The following NKAIN2 variants were observed in gnomAD, a reference collection of about 807,000 sequenced individuals.
NKAIN2 encodes the protein sodium/potassium transporting ATPase interacting 2.
NKAIN2 carries 14 observed loss-of-function variants against 32.6 expected under a neutral mutation model. The observed-to-expected ratio is 0.43, with a 90% CI of 0.28 to 0.67. The LOEUF (loss-of-function observed/expected upper bound fraction) is 0.67. Among genes scored for constraint, NKAIN2 ranks in the 30% least tolerant of loss-of-function variants. NKAIN2 has a pLI of 0.17. For synonymous variants in NKAIN2, 80 were observed against 87.2 expected (o/e 0.92, Z 0.46); for missense variants, 198 against 258.3 (o/e 0.77, Z 1.60).
In NKAIN2 at chr6:124,166,172, G is replaced by C. The variant is rs1788530874; in HGVS notation, c.55-116833G>C. Among the ~76,000 whole-genome samples, 5 of 137,242 alleles carry C rather than the reference G, an allele frequency of 3.6e-5. No homozygotes were observed. In the South Asian group the frequency reaches 1.3e-3, roughly 36 times the overall value. The allele number at this position is 137,242 out of a possible 152,430, so 90.0% of individuals were successfully genotyped here. A position where few individuals can be genotyped will look rare whatever the true frequency, so the allele number is the denominator to read the frequency against. The stretch of plus-strand genomic sequence containing the variant: ...TTCCTATTTCTCCACATCCTCTCCA[G>C]CACCTGTTGTTTCCTGACTTTTTAA... On this transcript the variant is annotated intron_variant, in intron 1 of 6. Coordinates refer to ENST00000368417, the MANE Select transcript of NKAIN2 (RefSeq NM_001040214.3).
chr6:124,431,353 C>T (rs1775210559), intron 3 of NKAIN2, among the ~76,000 whole-genome samples: 3 of 152,136 alleles, frequency 2.0e-5, no homozygotes, highest in African/African-American at 7.2e-5. Flanking sequence ...ACTACTATCA[C>T]TCCACTGCAA....
chr6:124,280,088 T>C (rs1367263049), intron 1 of NKAIN2, among the ~76,000 whole-genome samples: 1 of 152,070 alleles, frequency 6.6e-6, no homozygotes, highest in East Asian at 1.9e-4. Context: ...TATGTGAAAA[T>C]AACACATAAA....
chr6:123,823,310 A>G (rs1329350864), intron 1 of NKAIN2: 1 of 152,232 alleles, frequency 6.6e-6, no homozygotes, highest in East Asian at 1.9e-4. Context: ...GAGTGAAAAT[A>G]ATGGATACAA....
intron 1 of NKAIN2, among the ~76,000 whole-genome samples, chr6:124,134,024 CGAA>C (rs1397561815): frequency 6.6e-6 from 1 of 151,066 alleles, no homozygotes; most frequent in African/African-American, 2.4e-5. Flanking sequence ...CTGATCTAAA[CGAA>C]GAAGAAATCC....
chr6:124,786,903 A>G (rs892519202), intron 4 of NKAIN2, among the ~76,000 whole-genome samples: 10 of 152,086 alleles, frequency 6.6e-5, no homozygotes, highest in Non-Finnish European at 1.5e-5. Context: ...ATGAGCCTCT[A>G]TTATCTGCTT....
At chr6:124,099,166 ATTC>A (rs1414677469) in intron 1 of NKAIN2, among the ~76,000 whole-genome samples, 7 of 152,154 alleles carry the variant, frequency 4.6e-5, no homozygotes, top group Non-Finnish European at 1.0e-4. Context: ...TAATATTTGT[ATTC>A]TTTTATGGTT....
intron 1 of NKAIN2, among the ~76,000 whole-genome samples, chr6:123,804,999 T>C (rs1435401729): frequency 6.6e-6 from 1 of 152,214 alleles, no homozygotes; most frequent in Non-Finnish European, 1.5e-5. Context: ...TGGAGAATTC[T>C]ATGTACTTTT....
intron 5 of NKAIN2, among the ~76,000 whole-genome samples, chr6:124,797,105 C>T (rs532739910): frequency 6.9e-6 from 1 of 145,492 alleles, no homozygotes; most frequent in African/African-American, 2.6e-5. Context: ...TTTATTAGCA[C>T]TGTTCGATGT....
At chr6:124,117,800 AT>A (rs1785686975) in intron 1 of NKAIN2, among the ~76,000 whole-genome samples, 1 of 151,294 alleles carries the variant, frequency 6.6e-6, no homozygotes, top group African/African-American at 2.4e-5. Flanking sequence ...TCATTATATT[AT>A]TTTTTATAAT....
chr6:124,610,417 A>G (rs1782648815), intron 3 of NKAIN2, among the ~76,000 whole-genome samples: 1 of 152,186 alleles, frequency 6.6e-6, no homozygotes, highest in Non-Finnish European at 1.5e-5. Flanking sequence ...TATGCATTGG[A>G]AAAAGTACTG....
At chr6:124,706,452 G>C (rs889341284) in intron 4 of NKAIN2, among the ~76,000 whole-genome samples, 1 of 152,020 alleles carries the variant, frequency 6.6e-6, no homozygotes, top group African/African-American at 2.4e-5. Flanking sequence ...GCTGAAATAT[G>C]ATTCTATGTC....
intron 3 of NKAIN2, among the ~76,000 whole-genome samples, chr6:124,588,346 C>A (rs1221768538): frequency 6.6e-6 from 1 of 152,062 alleles, no homozygotes; most frequent in Non-Finnish European, 1.5e-5. Context: ...TAATTTAATG[C>A]AATTTTTATT....
intron 3 of NKAIN2, among the ~76,000 whole-genome samples, chr6:124,452,161 C>T (rs1776134484): frequency 6.7e-6 from 1 of 149,712 alleles, no homozygotes; most frequent in Non-Finnish European, 1.5e-5. Flanking sequence ...TGCCACTGCA[C>T]TCTAGCCTGG....
chr6:124,187,287 A>C (rs1192229012), intron 1 of NKAIN2, among the ~76,000 whole-genome samples: 1 of 152,188 alleles, frequency 6.6e-6, no homozygotes, highest in Non-Finnish European at 1.5e-5. Context: ...CCTACTAGTC[A>C]TTCAAAGACG....
intron 1 of NKAIN2, among the ~76,000 whole-genome samples, chr6:123,817,861 T>TCAC (rs1284490819): frequency 2.6e-5 from 4 of 152,052 alleles, no homozygotes; most frequent in Non-Finnish European, 4.4e-5. Flanking sequence ...GAATAAGCAT[T>TCAC]TGTGGGAGTA....
chr6:124,787,688 T>A (rs1246193830), intron 4 of NKAIN2, among the ~76,000 whole-genome samples: 1 of 152,098 alleles, frequency 6.6e-6, no homozygotes, highest in Non-Finnish European at 1.5e-5. Context: ...TTTGGACCCA[T>A]GAAAAATGTT....
intron 3 of NKAIN2, among the ~76,000 whole-genome samples, chr6:124,461,373 G>T (rs190484879): frequency 1.3e-5 from 2 of 151,764 alleles, no homozygotes; most frequent in Non-Finnish European, 3.0e-5. Flanking sequence ...AAGAGATGTA[G>T]ATTATGCAGC....
rs1237658485 is a variant in NKAIN2, at chr6:124,323,777, A to ATTTTCTTTTTTTTTTTTTTTTTTTTTTTT, written c.193-31486_193-31485insCTTTTTTTTTTTTTTTTTTTTTTTTTTTT. The stretch of plus-strand genomic sequence containing the variant: ...TGATTTAGCTGTTTCAATTCTTTTA[A>ATTTTCTTTTTTTTTTTTTTTTTTTTTTTT]TTTTTTCTTTTTTTTTTTTTTTTTT... On this transcript the variant is annotated intron_variant, in intron 2 of 6. Transcript: ENST00000368417. 4.3e-5 allele frequency among the ~76,000 whole-genome samples: 5 copies of ATTTTCTTTTTTTTTTTTTTTTTTTTTTTT among 115,496 alleles called. 2 individuals carry two copies. The highest frequency in any genetic ancestry group is 2.0e-4 in the African/African-American group (5 of 25,340). 75.8% of individuals were successfully genotyped at this position (115,496 alleles called of 152,430 possible). A position where few individuals can be genotyped will look rare whatever the true frequency, so the allele number is the denominator to read the frequency against.
Position 124,649,534 on chromosome 6 carries a change from G to A in NKAIN2, c.274-8652G>A, listed in dbSNP as rs193054790. Among the ~76,000 whole-genome samples the A allele has an allele frequency of 1.1e-3, 165 of 152,178 alleles. 1 individual carries two copies. Among genetic ancestry groups the A allele is most frequent in the Non-Finnish European group, 1.9e-3 (128 of 67,992 alleles). On this transcript the variant is annotated intron_variant, in intron 3 of 6. Coordinates refer to ENST00000368417, the MANE Select transcript of NKAIN2 (RefSeq NM_001040214.3). Reference sequence around the variant, plus strand: ...TTCACTGGTGGATTCTACCAAACACGTAAAGAAGACATTATACCAATTCTC... The same window carrying A: ...TTCACTGGTGGATTCTACCAAACACATAAAGAAGACATTATACCAATTCTC...
Sources: allele counts gnomAD v4.1 joint callset (sites outside exome capture counted in the v4.1 genomes callset), GRCh38; gene constraint gnomAD v4.1.1; transcripts MANE v1.5; gene names NCBI Gene and HGNC (gene_info 2026-07-23, HGNC 2026-07-21).